The following GRID2 variants were observed in gnomAD, a reference collection of about 807,000 sequenced individuals.
The protein encoded by GRID2 is glutamate receptor ionotropic, delta-2.
In GRID2, 33 loss-of-function variants were observed where a neutral mutation model predicts 114.8. The observed-to-expected ratio is 0.29, with a 90% confidence interval of 0.22 to 0.38. GRID2 has a LOEUF of 0.38. Ranked by LOEUF, GRID2 falls within the 10% of genes least tolerant of loss-of-function variation. The pLI, the probability that GRID2 is intolerant of heterozygous loss-of-function variation, is 1.00. For synonymous variants in GRID2, 505 were observed against 449.9 expected (o/e 1.12, Z -1.55); for missense variants, 1,184 against 1,257.7 (o/e 0.94, Z 0.89).
chr4:93,667,446 C>A (rs1218185484), intron 14 of GRID2, among the ~76,000 whole-genome samples: 12 of 151,176 alleles, frequency 7.9e-5, no homozygotes, highest in African/African-American at 2.9e-4. Flanking sequence ...CCAGGAGGTA[C>A]CACCTATGGA....
intron 10 of GRID2, among the ~76,000 whole-genome samples, chr4:93,441,253 C>A (rs138048412): frequency 1.8e-4 from 27 of 151,882 alleles, no homozygotes; most frequent in Middle Eastern, 3.4e-3. Flanking sequence ...GGTGAGGATA[C>A]TATAAATAAC....
intron 1 of GRID2, among the ~76,000 whole-genome samples, chr4:92,451,134 T>G (rs968411520): frequency 6.6e-6 from 1 of 152,048 alleles, no homozygotes; most frequent in Non-Finnish European, 1.5e-5. Flanking sequence ...TTATGGGAAT[T>G]AGAGAGTAGA....
chr4:92,621,635 G>A (rs1198751064), intron 2 of GRID2, among the ~76,000 whole-genome samples: 1 of 151,420 alleles, frequency 6.6e-6, no homozygotes. Flanking sequence ...ACTTAGCGCA[G>A]GGCAAAAAGC....
intron 1 of GRID2, among the ~76,000 whole-genome samples, chr4:92,386,176 A>G (rs1729952192): frequency 6.6e-6 from 1 of 151,654 alleles, no homozygotes; most frequent in African/African-American, 2.4e-5. Flanking sequence ...TTATTTTTAA[A>G]AAGTTTAAAG....
At chr4:93,248,530 T>C (rs760557159) in intron 8 of GRID2, among the ~76,000 whole-genome samples, 2 of 152,164 alleles carry the variant, frequency 1.3e-5, no homozygotes, top group Non-Finnish European at 2.9e-5. Flanking sequence ...CCTCAAATTT[T>C]CTGCTTTCTC....
chr4:92,458,899 G>T (rs1285789456), intron 1 of GRID2, among the ~76,000 whole-genome samples: 1 of 152,158 alleles, frequency 6.6e-6, no homozygotes, highest in Non-Finnish European at 1.5e-5. Context: ...AAGAATGTAG[G>T]TAGAGACTTC....
intron 2 of GRID2, among the ~76,000 whole-genome samples, chr4:92,892,821 G>C (rs1024061338): frequency 2.0e-5 from 3 of 152,074 alleles, no homozygotes; most frequent in Non-Finnish European, 4.4e-5. Flanking sequence ...GAAAACCATA[G>C]ATTATTACAG....
At chr4:92,671,702 C>T (rs189501393) in intron 2 of GRID2, among the ~76,000 whole-genome samples, 2 of 152,004 alleles carry the variant, frequency 1.3e-5, no homozygotes, top group Admixed American at 6.6e-5. Context: ...GGCAAATGTA[C>T]AATGTACTGG....
intron 1 of GRID2, among the ~76,000 whole-genome samples, chr4:92,489,422 T>G (rs2149112052): frequency 6.6e-6 from 1 of 152,316 alleles, no homozygotes; most frequent in Non-Finnish European, 1.5e-5. Context: ...TCCTCAAAAT[T>G]ATTGAATGCT....
chr4:93,344,691 A>T (rs1579754376), intron 8 of GRID2, among the ~76,000 whole-genome samples: 1 of 149,732 alleles, frequency 6.7e-6, no homozygotes, highest in Non-Finnish European at 1.5e-5. Flanking sequence ...TATTAACTAT[A>T]GTCATATTAT....
intron 2 of GRID2, among the ~76,000 whole-genome samples, chr4:93,012,103 T>A (rs1224308523): frequency 6.7e-6 from 1 of 149,210 alleles, no homozygotes; most frequent in African/African-American, 2.5e-5. Flanking sequence ...AAAAAACATG[T>A]ATAGTGACAC....
chr4:92,547,614 A>G (rs1356335993), intron 1 of GRID2, among the ~76,000 whole-genome samples: 4 of 152,194 alleles, frequency 2.6e-5, no homozygotes, highest in Non-Finnish European at 5.9e-5. Context: ...CCAAAATGGA[A>G]AATACAGGAC....
At chr4:92,611,116 A>ATGTG (rs879367445) in intron 2 of GRID2, among the ~76,000 whole-genome samples, 1 of 121,788 alleles carries the variant, frequency 8.2e-6, no homozygotes, top group Non-Finnish European at 1.8e-5. Flanking sequence ...ATGTGTGTGT[A>ATGTG]TGTGTGTGTG....
chr4:92,600,376 GTC>G (rs1729168646), intron 2 of GRID2, among the ~76,000 whole-genome samples: 1 of 151,748 alleles, frequency 6.6e-6, no homozygotes, highest in Non-Finnish European at 1.5e-5. Flanking sequence ...ATTCTTACAG[GTC>G]AAGGGATGAG....
chr4:92,962,168 G>A (rs1273430442), intron 2 of GRID2, among the ~76,000 whole-genome samples: 2 of 151,792 alleles, frequency 1.3e-5, no homozygotes, highest in African/African-American at 4.8e-5. Flanking sequence ...TCTGAGTATG[G>A]TTCTGACACT....
In GRID2 at chr4:92,846,226, G is replaced by A. The variant is rs115334629; in HGVS notation, c.245-238769G>A. Reference sequence around the variant, plus strand: ...ATGCAGGTTTGTTACATGGTATATCGTGTGATGCTGAACTTTGGAGTACAG... The same window carrying A: ...ATGCAGGTTTGTTACATGGTATATCATGTGATGCTGAACTTTGGAGTACAG... On this transcript the variant is annotated intron_variant, in intron 2 of 15. Transcript: ENST00000282020. Among the ~76,000 whole-genome samples the A allele has an allele frequency of 5.7e-3, 860 of 152,088 alleles. 14 individuals carry two copies. The highest frequency in any genetic ancestry group is 0.02 in the African/African-American group (817 of 41,484).
intron 13 of GRID2, among the ~76,000 whole-genome samples, chr4:93,598,747 G>A (rs1739367216): frequency 6.6e-6 from 1 of 151,986 alleles, no homozygotes; most frequent in Non-Finnish European, 1.5e-5. Context: ...ACTATCTTTT[G>A]CCTCTTTCTT....
chr4:92,704,723 T>TCTC (rs1734861937), intron 2 of GRID2, among the ~76,000 whole-genome samples: 37 of 90,028 alleles, frequency 4.1e-4, no homozygotes, highest in Non-Finnish European at 4.6e-4. Context: ...CTCTCTCTCT[T>TCTC]TCTCTCTCTC....
rs183292329 is a variant in GRID2, at chr4:93,436,069, T to A, written c.1545+13101T>A. On this transcript the variant is annotated intron_variant, in intron 10 of 15. Transcript: ENST00000282020. ...TATTCTAAGCTAAATTAATTAGGTG[T>A]CTTTGGTTGCAAATGACAATCCAAT... Among the ~76,000 whole-genome samples the A allele has an allele frequency of 3.9e-5, 6 of 152,324 alleles. No individual in the cohort carries two copies. The East Asian group carries it at 1.2e-3, about 29-fold the overall frequency.
Sources: gnomAD v4.1 joint callset for allele counts (sites outside exome capture counted in the v4.1 genomes callset) on GRCh38, gnomAD v4.1.1 for gene constraint, MANE v1.5 for transcripts, NCBI Gene and HGNC (gene_info 2026-07-23, HGNC 2026-07-21) for gene names.